Variants in NLGN1 observed in about 807,000 individuals in gnomAD.
The protein encoded by NLGN1 is neuroligin-1.
A neutral mutation model predicts 65.5 loss-of-function variants in NLGN1; 12 were observed. The observed-to-expected ratio is 0.18, with a 90% confidence interval of 0.12 to 0.30. NLGN1 has a LOEUF of 0.30. NLGN1 is among the 10% of genes least tolerant of loss of function. NLGN1 has a pLI of 1.00. For synonymous variants in NLGN1, 350 were observed against 359.5 expected (o/e 0.97, Z 0.30); for missense variants, 750 against 1,007.1 (o/e 0.74, Z 3.46).
chr3:173,571,261 G>T (rs1299699318), intron 2 of NLGN1, among the ~76,000 whole-genome samples: 2 of 152,164 alleles, frequency 1.3e-5, no homozygotes, highest in Non-Finnish European at 2.9e-5. Context: ...TGCCCTTCTT[G>T]TCTTGATTTT....
intron 4 of NLGN1, among the ~76,000 whole-genome samples, chr3:174,029,827 T>A (rs1483086093): frequency 2.0e-5 from 3 of 152,210 alleles, no homozygotes; most frequent in Non-Finnish European, 4.4e-5. Context: ...GGAGTTCCCC[T>A]GCACAAGCTA....
chr3:173,563,252 T>C (rs923219134), intron 2 of NLGN1, among the ~76,000 whole-genome samples: 1 of 152,248 alleles, frequency 6.6e-6, no homozygotes, highest in Non-Finnish European at 1.5e-5. Flanking sequence ...TGCTTGCTCA[T>C]AGTATTTTTA....
At position 173,580,157 on chromosome 3, in the gene NLGN1, T is replaced by G. The variant is rs576912088; in HGVS notation, c.-320-24122T>G. On this transcript the variant is annotated intron_variant, in intron 2 of 6. Coordinates refer to ENST00000457714, the Ensembl canonical transcript of NLGN1. ...ACCCCACCTTTTCTCAAAATAACTCTTTTGTATTAAAAGCAACAATGAAAT... is the reference window on the plus strand; with the variant it reads ...ACCCCACCTTTTCTCAAAATAACTCGTTTGTATTAAAAGCAACAATGAAAT... Among the ~76,000 whole-genome samples, 10 of 152,274 alleles carry G rather than the reference T, an allele frequency of 6.6e-5. No individual in the cohort carries two copies. The East Asian group carries it at 1.9e-3, about 29-fold the overall frequency.
intron 2 of NLGN1, among the ~76,000 whole-genome samples, chr3:173,478,774 T>C (rs1448818156): frequency 1.3e-5 from 2 of 151,828 alleles, no homozygotes; most frequent in Admixed American, 6.6e-5. Flanking sequence ...TAATCCCAGC[T>C]ACTCCAGGGG....
intron 4 of NLGN1, among the ~76,000 whole-genome samples, chr3:173,974,239 AAAG>A (rs1716930993): frequency 6.6e-6 from 1 of 152,036 alleles, no homozygotes; most frequent in Non-Finnish European, 1.5e-5. Context: ...AAAAAAAAAA[AAAG>A]GTTTTGTTAT....
intron 2 of NLGN1, among the ~76,000 whole-genome samples, chr3:173,539,104 C>T (rs1737974575): frequency 6.6e-6 from 1 of 152,068 alleles, no homozygotes; most frequent in Admixed American, 6.6e-5. Flanking sequence ...ATTTCCTTCA[C>T]TGCTGTCTTT....
chr3:174,179,637 A>G (rs1730028159), intron 4 of NLGN1, among the ~76,000 whole-genome samples: 1 of 152,108 alleles, frequency 6.6e-6, no homozygotes, highest in African/African-American at 2.4e-5. Flanking sequence ...TCTGGAGAGG[A>G]AGGAGTACAA....
In NLGN1 at chr3:173,721,246, G is replaced by A. The variant is rs114017416; in HGVS notation, c.494-86434G>A. ...GGCTCCAGTCACCAGGTGAAAATGA[G>A]CTTGGTGTTGACTGTCCTCACCGAG... On this transcript the variant is annotated intron_variant, in intron 3 of 6. Coordinates refer to ENST00000457714, the Ensembl canonical transcript of NLGN1. 3.4e-3 allele frequency among the ~76,000 whole-genome samples: 524 copies of A among 152,330 alleles called. 3 individuals are homozygous for A. Among genetic ancestry groups the A allele is most frequent in the African/African-American group, 0.012 (495 of 41,572 alleles).
intron 1 of NLGN1, among the ~76,000 whole-genome samples, chr3:173,414,532 C>T (rs1713274223): frequency 2.0e-5 from 3 of 151,592 alleles, no homozygotes; most frequent in African/African-American, 7.3e-5. Context: ...CACCTCAGAA[C>T]CTTAGTTAAG....
chr3:174,193,479 A>G (rs1274144399), intron 4 of NLGN1, among the ~76,000 whole-genome samples: 1 of 152,184 alleles, frequency 6.6e-6, no homozygotes, highest in Admixed American at 6.5e-5. Flanking sequence ...TTGAACTGCG[A>G]GGTTTCAAGG....
intron 4 of NLGN1, among the ~76,000 whole-genome samples, chr3:174,247,048 C>T (rs967981223): frequency 6.6e-6 from 1 of 152,176 alleles, no homozygotes; most frequent in Non-Finnish European, 1.5e-5. Context: ...TGGAGTATCT[C>T]CAAATCTTAA....
At chr3:174,192,182 G>C (rs1561255673) in intron 4 of NLGN1, among the ~76,000 whole-genome samples, 1 of 148,302 alleles carries the variant, frequency 6.7e-6, no homozygotes, top group East Asian at 2.0e-4. Context: ...TTTGTTTGAA[G>C]AAAAAAAAAC....
chr3:174,274,888 C>T lies in NLGN1; in HGVS notation c.647-427C>T, dbSNP rs1028719475. 3.3e-5 allele frequency among the ~76,000 whole-genome samples: 5 copies of T among 151,862 alleles called. No homozygotes were observed. In the South Asian group the frequency reaches 1.0e-3, roughly 31 times the overall value. ...ATGTCCATCCTGCCATTCTGCCACA[C>T]ATACATACCTAACATTCCAACCACA... is the stretch of plus-strand genomic sequence containing the variant. On this transcript the variant is annotated intron_variant, in intron 4 of 6. Transcript: ENST00000457714.
At chr3:173,815,103 G>T (rs1344852906) in intron 4 of NLGN1, among the ~76,000 whole-genome samples, 65 of 125,404 alleles carry the variant, frequency 5.2e-4, no homozygotes, top group Admixed American at 8.0e-4. Context: ...CTTCCTTCCT[G>T]CCTTCCTTCA....
chr3:174,152,060 C>T (rs1285430035), intron 4 of NLGN1, among the ~76,000 whole-genome samples: 6 of 152,052 alleles, frequency 3.9e-5, no homozygotes, highest in Admixed American at 2.6e-4. Context: ...AAAGGCCTTA[C>T]ATTCAAAAGT....
At chr3:173,401,175 G>A (rs1717617033) in intron 1 of NLGN1, among the ~76,000 whole-genome samples, 1 of 152,054 alleles carries the variant, frequency 6.6e-6, no homozygotes, top group African/African-American at 2.4e-5. Context: ...ACATTATAGG[G>A]ATGTGTAGCA....
At chr3:173,536,827 A>G (rs1003673344) in intron 2 of NLGN1, among the ~76,000 whole-genome samples, 3 of 152,064 alleles carry the variant, frequency 2.0e-5, no homozygotes, top group Admixed American at 6.6e-5. Flanking sequence ...TCACATGATT[A>G]TAGAGGCTGA....
At chr3:173,509,813 C>G (rs150484679) in intron 2 of NLGN1, among the ~76,000 whole-genome samples, 1 of 152,116 alleles carries the variant, frequency 6.6e-6, no homozygotes, top group African/African-American at 2.4e-5. Context: ...CCATACACTA[C>G]GTTTGAATTT....
intron 4 of NLGN1, among the ~76,000 whole-genome samples, chr3:174,019,433 G>T (rs923620966): frequency 1.3e-5 from 2 of 152,024 alleles, no homozygotes; most frequent in African/African-American, 4.8e-5. Flanking sequence ...CAGTAAGAAG[G>T]CCCTCACCAG....
Sources: allele counts gnomAD v4.1 joint callset (sites outside exome capture counted in the v4.1 genomes callset), GRCh38; gene constraint gnomAD v4.1.1; transcripts MANE v1.5; gene names NCBI Gene and HGNC (gene_info 2026-07-23, HGNC 2026-07-21).